The following TECPR2 variants were observed in gnomAD, a reference collection of about 807,000 sequenced individuals.
The protein encoded by TECPR2 is tectonin beta-propeller repeat containing 2.
TECPR2 carries 65 observed loss-of-function variants against 138.1 expected under a neutral mutation model. That is an observed-to-expected ratio of 0.47 (90% CI 0.39 to 0.58). The LOEUF (loss-of-function observed/expected upper bound fraction) is 0.58. TECPR2 is among the 20% of genes least tolerant of loss of function. The pLI is 0.00. For synonymous variants in TECPR2, 746 were observed against 749.8 expected (o/e 0.99, Z 0.08); for missense variants, 1,553 against 1,824.5 (o/e 0.85, Z 2.71).
chr14:102,414,516 G>A (rs1888969182), intron 4 of TECPR2, 120 bp from the exon 5 acceptor site: 5 of 1,231,986 alleles, frequency 4.1e-6, no homozygotes, highest in South Asian at 1.5e-5. Flanking sequence ...GAAAGCATGC[G>A]TTAAGTAAGG....
At chr14:102,437,986 C>A in intron 9 of TECPR2, 36 bp from the exon 10 acceptor site, 1 of 1,602,460 alleles carries the variant, frequency 6.2e-7, no homozygotes, top group South Asian at 1.1e-5. Context: ...TGGCTGTGTC[C>A]TCTGCCACAG....
rs765880201 is a variant in TECPR2 at position 102,445,944 on chromosome 14, G to A, written c.3072G>A (p.Trp1024Ter). Residue 1024 changes from tryptophan to a stop codon, truncating the protein, a stop_gained, in exon 13 of 20, where the codon TGG becomes TGA. Coordinates refer to ENST00000359520, the MANE Select transcript of TECPR2 (RefSeq NM_014844.5). LOFTEE classifies it high-confidence loss of function. ...CCCAAGGAGATGACGACCATTGGTG[G>A]CAAGTAGGTGTTCAGCTCTGCGCCA... ...KKPQGDDDHW[W>*]QVSITDYVVF... The A allele has an allele frequency of 6.8e-5, 109 of 1,613,538 alleles. No homozygotes were observed. The highest frequency in any genetic ancestry group is 9.1e-5 in the Non-Finnish European group (107 of 1,179,826).
At chr14:102,366,903 T>A (rs1887359589) in intron 1 of TECPR2, among the ~76,000 whole-genome samples, 1 of 152,202 alleles carries the variant, frequency 6.6e-6, no homozygotes, top group Non-Finnish European at 1.5e-5. Context: ...TTGGGTACTC[T>A]TGAGTGATCT....
chr14:102,424,651 G>C (rs1050815140), intron 5 of TECPR2, among the ~76,000 whole-genome samples: 1 of 152,304 alleles, frequency 6.6e-6, no homozygotes, highest in Admixed American at 6.5e-5. Flanking sequence ...TATGTGATGC[G>C]TGACTGTATC....
At position 102,408,517 on chromosome 14, in the gene TECPR2, C is replaced by T. The variant is rs1407686987; in HGVS notation, c.378C>T (p.His126=). 1.9e-6 allele frequency: 3 copies of T among 1,609,466 alleles called. No individual in the cohort carries two copies. The South Asian group carries it at 3.3e-5, about 18-fold the overall frequency. ...GGAGATTTGATGTCACTGGTATTCA[C>T]AAAAATAGCATTACAGCTCTGGCTT... ...QLRRFDVTGI[H]KNSITALAWS... Residue 126 remains histidine, a synonymous_variant, in exon 4 of 20, where the codon CAC becomes CAT. Coordinates refer to ENST00000359520, the MANE Select transcript of TECPR2 (RefSeq NM_014844.5).
intron 7 of TECPR2, among the ~76,000 whole-genome samples, chr14:102,429,810 C>G (rs1395424092): frequency 6.6e-5 from 10 of 152,310 alleles, no homozygotes; most frequent in Middle Eastern, 3.4e-3. Context: ...AGGCTAAGCT[C>G]TGGACCTCTG....
chr14:102,473,197 G>C (rs1890684583), intron 17 of TECPR2, among the ~76,000 whole-genome samples: 1 of 152,236 alleles, frequency 6.6e-6, no homozygotes, highest in Non-Finnish European at 1.5e-5. Flanking sequence ...CCTGGGCCAG[G>C]ACCAACTGCA....
At chr14:102,411,344 G>A (rs945378074) in intron 4 of TECPR2, among the ~76,000 whole-genome samples, 33 of 152,318 alleles carry the variant, frequency 2.2e-4, no homozygotes, top group African/African-American at 6.5e-4. Context: ...TTCCACGTAC[G>A]TATACGCCCA....
At chr14:102,469,002 G>A (rs1315053364) in intron 17 of TECPR2, among the ~76,000 whole-genome samples, 2 of 152,108 alleles carry the variant, frequency 1.3e-5, no homozygotes, top group Admixed American at 1.3e-4. Flanking sequence ...TGATTACTTA[G>A]CTTTGTCGTA....
chr14:102,370,622 T>C (rs548432339), intron 1 of TECPR2, among the ~76,000 whole-genome samples: 1 of 152,300 alleles, frequency 6.6e-6, no homozygotes, highest in East Asian at 1.9e-4. Context: ...CCAAGGTTCT[T>C]GTAAGCCAGC....
chr14:102,379,416 C>A lies in TECPR2; in HGVS notation c.219+2476C>A, dbSNP rs548444189. On this transcript the variant is annotated intron_variant, in intron 2 of 19. Coordinates refer to ENST00000359520, the MANE Select transcript of TECPR2 (RefSeq NM_014844.5). The stretch of plus-strand genomic sequence containing the variant: ...AGATCACAGTCTTAAAATCCATGCA[C>A]AGAGGCATCCTAGTCACACTGCTGA... 7.2e-5 allele frequency among the ~76,000 whole-genome samples: 11 copies of A among 151,764 alleles called. 1 individual carries two copies. The highest frequency in any genetic ancestry group is 2.2e-4 in the African/African-American group (9 of 41,360).
At chr14:102,380,558 T>G (rs1887776714) in intron 2 of TECPR2, among the ~76,000 whole-genome samples, 1 of 152,184 alleles carries the variant, frequency 6.6e-6, no homozygotes, top group Non-Finnish European at 1.5e-5. Flanking sequence ...CTCTACCTGG[T>G]CCCTCCTACG....
chr14:102,451,433 C>T (rs964581990), intron 15 of TECPR2, among the ~76,000 whole-genome samples: 7 of 152,196 alleles, frequency 4.6e-5, no homozygotes, highest in African/African-American at 1.4e-4. Context: ...CCAGATTGTT[C>T]GGACCACAGT....
intron 2 of TECPR2, among the ~76,000 whole-genome samples, chr14:102,405,791 C>T (rs140028355): frequency 7.2e-5 from 11 of 152,164 alleles, no homozygotes; most frequent in Non-Finnish European, 1.0e-4. Context: ...CGTCTATCAA[C>T]GGATGAATGG....
At chr14:102,479,767 T>C (rs1890845180) in intron 17 of TECPR2, among the ~76,000 whole-genome samples, 1 of 152,210 alleles carries the variant, frequency 6.6e-6, no homozygotes, top group Non-Finnish European at 1.5e-5. Context: ...TGCCTCTTGG[T>C]CTCCTTGATC....
At chr14:102,387,277 G>A (rs551186180) in intron 2 of TECPR2, among the ~76,000 whole-genome samples, 1 of 152,290 alleles carries the variant, frequency 6.6e-6, no homozygotes, top group East Asian at 1.9e-4. Flanking sequence ...AAGTTAGTGG[G>A]AGAGGGCAGA....
chr14:102,440,648 C>A, intron 11 of TECPR2, 39 bp downstream of exon 11: 1 of 1,597,144 alleles, frequency 6.3e-7, no homozygotes, highest in African/African-American at 1.3e-5. Context: ...CCAGCTCTGC[C>A]GTCACTGCCT....
At chr14:102,425,404 A>G (rs142381538) in intron 6 of TECPR2, 113 bp downstream of exon 6, 2 of 1,080,782 alleles carry the variant, frequency 1.9e-6, no homozygotes, top group Non-Finnish European at 2.5e-6. Context: ...ATTGACTTAC[A>G]CTTTACTTTT....
intron 4 of TECPR2, among the ~76,000 whole-genome samples, chr14:102,414,092 C>G (rs934865184): frequency 6.6e-6 from 1 of 152,158 alleles, no homozygotes; most frequent in Non-Finnish European, 1.5e-5. Context: ...CTTCTGTTTT[C>G]TATTACCCTT....
Sources: allele counts gnomAD v4.1 joint callset (sites outside exome capture counted in the v4.1 genomes callset), GRCh38; gene constraint gnomAD v4.1.1; transcripts MANE v1.5; gene names NCBI Gene and HGNC (gene_info 2026-07-23, HGNC 2026-07-21).